The following SLC24A2 variants were observed in gnomAD, a reference collection of about 807,000 sequenced individuals.
SLC24A2 encodes the protein solute carrier family 24 member 2.
SLC24A2 carries 36 observed loss-of-function variants against 62.0 expected under a neutral mutation model. The observed-to-expected ratio is 0.58, with a 90% CI of 0.44 to 0.77. The LOEUF is 0.77. Among genes scored for constraint, SLC24A2 ranks in the 30% least tolerant of loss-of-function variants. SLC24A2 has a pLI of 0.00. For synonymous variants in SLC24A2, 358 were observed against 294.0 expected (o/e 1.22, Z -2.23); for missense variants, 846 against 817.9 (o/e 1.03, Z -0.42).
At chr9:20,215,160 C>A in the SLC24A2 span, among the ~76,000 whole-genome samples, 3 of 152,180 alleles carry the variant, frequency 2.0e-5, no homozygotes, top group Non-Finnish European at 2.9e-5. Flanking sequence ...GGTGCCTTCT[C>A]ACTGTGTCCT....
chr9:19,753,342 A>T (rs1437670474), intron 2 of SLC24A2, among the ~76,000 whole-genome samples: 1 of 152,224 alleles, frequency 6.6e-6, no homozygotes, highest in African/African-American at 2.4e-5. Context: ...CAATCAATAA[A>T]GCTTTTAAGA....
the SLC24A2 span, among the ~76,000 whole-genome samples, chr9:20,301,303 T>C: frequency 6.6e-6 from 1 of 152,220 alleles, no homozygotes; most frequent in Non-Finnish European, 1.5e-5. Context: ...ACATCCATTG[T>C]TGTCTGGGGA....
chr9:19,788,243 T>A (rs1042096477), intron 1 of SLC24A2, among the ~76,000 whole-genome samples: 75 of 152,334 alleles, frequency 4.9e-4, no homozygotes, highest in East Asian at 1.7e-3. Flanking sequence ...GATTCCCAGG[T>A]GGCTGCGAAC....
chr9:20,018,664 G>A, the SLC24A2 span, among the ~76,000 whole-genome samples: 1 of 152,030 alleles, frequency 6.6e-6, no homozygotes, highest in East Asian at 1.9e-4. Flanking sequence ...AATCATAATA[G>A]GGTTTTGAGA....
At chr9:20,227,679 T>C in the SLC24A2 span, among the ~76,000 whole-genome samples, 9 of 152,118 alleles carry the variant, frequency 5.9e-5, no homozygotes, top group South Asian at 8.3e-4. Context: ...CCTTGGGGTA[T>C]TTCAGAACAG....
chr9:19,773,936 A>G (rs1045575690), intron 2 of SLC24A2, among the ~76,000 whole-genome samples: 3 of 152,214 alleles, frequency 2.0e-5, no homozygotes, highest in Non-Finnish European at 4.4e-5. Context: ...TGCAAGAATA[A>G]AAGGAAAGCA....
intron 2 of SLC24A2, among the ~76,000 whole-genome samples, chr9:19,689,359 A>G (rs903708123): frequency 3.3e-5 from 5 of 152,146 alleles, no homozygotes; most frequent in African/African-American, 9.7e-5. Context: ...AGTTAACTCA[A>G]TTTAGTCTCA....
chr9:19,891,373 G>A, the SLC24A2 span, among the ~76,000 whole-genome samples: 1 of 152,164 alleles, frequency 6.6e-6, no homozygotes, highest in African/African-American at 2.4e-5. Context: ...AGATATATTA[G>A]TCTGTTTTGT....
chr9:20,277,374 T>C, the SLC24A2 span, among the ~76,000 whole-genome samples: 26 of 151,522 alleles, frequency 1.7e-4, 1 homozygote, highest in African/African-American at 5.6e-4. Flanking sequence ...ACAAAGAACT[T>C]AAACAAATTT....
the SLC24A2 span, among the ~76,000 whole-genome samples, chr9:20,087,959 C>T: frequency 6.6e-6 from 1 of 152,330 alleles, no homozygotes; most frequent in South Asian, 2.1e-4. Flanking sequence ...TCCCACAGAT[C>T]TTTGCAACCC....
At chr9:20,299,380 G>A in the SLC24A2 span, among the ~76,000 whole-genome samples, 1 of 152,208 alleles carries the variant, frequency 6.6e-6, no homozygotes, top group East Asian at 1.9e-4. Context: ...TCCCAAGAAG[G>A]GCTGTTCATG....
the SLC24A2 span, among the ~76,000 whole-genome samples, chr9:19,987,758 T>C: frequency 6.6e-6 from 1 of 152,188 alleles, no homozygotes; most frequent in Admixed American, 6.5e-5. Flanking sequence ...ATTCTCTGTT[T>C]CTTTTGGCCA....
At chr9:19,850,946 C>CGT in the SLC24A2 span, among the ~76,000 whole-genome samples, 25 of 24,714 alleles carry the variant, frequency 1.0e-3, 1 homozygote, top group African/African-American at 2.2e-3. Flanking sequence ...TATATATATA[C>CGT]ATATATATAT....
At chr9:20,304,745 T>C in the SLC24A2 span, among the ~76,000 whole-genome samples, 1 of 152,220 alleles carries the variant, frequency 6.6e-6, no homozygotes, top group Non-Finnish European at 1.5e-5. Context: ...TGGACTATTT[T>C]CACTTCTCTA....
At chr9:20,281,841 C>G in the SLC24A2 span, among the ~76,000 whole-genome samples, 1 of 152,186 alleles carries the variant, frequency 6.6e-6, no homozygotes, top group Non-Finnish European at 1.5e-5. Flanking sequence ...ATTGATATCT[C>G]TACAGTACTA....
At chr9:20,020,559 T>C in the SLC24A2 span, among the ~76,000 whole-genome samples, 1 of 151,688 alleles carries the variant, frequency 6.6e-6, no homozygotes, top group Non-Finnish European at 1.5e-5. Context: ...CATCACACAC[T>C]GGGGCCTGTC....
At chr9:20,192,149 G>A in the SLC24A2 span, among the ~76,000 whole-genome samples, 1 of 152,192 alleles carries the variant, frequency 6.6e-6, no homozygotes, top group Non-Finnish European at 1.5e-5. Context: ...GGTGGTTGAA[G>A]ATGGGAAAGG....
the SLC24A2 span, among the ~76,000 whole-genome samples, chr9:19,850,339 G>T: frequency 2.0e-5 from 3 of 152,178 alleles, no homozygotes; most frequent in African/African-American, 7.2e-5. Flanking sequence ...GCAAGGAAAA[G>T]TTCAGGAGTA....
At chr9:19,850,957 A>T in the SLC24A2 span, among the ~76,000 whole-genome samples, 14 of 23,930 alleles carry the variant, frequency 5.9e-4, no homozygotes, top group African/African-American at 1.6e-3. Flanking sequence ...ATATATATAT[A>T]TATATATATG....
Sources: gnomAD v4.1 joint callset for allele counts (sites outside exome capture counted in the v4.1 genomes callset) on GRCh38, gnomAD v4.1.1 for gene constraint, MANE v1.5 for transcripts, NCBI Gene and HGNC (gene_info 2026-07-23, HGNC 2026-07-21) for gene names.